CCSER1: variants seen among roughly 807,000 people sequenced by gnomAD.
CCSER1 encodes the protein serine-rich coiled-coil domain-containing protein 1.
Under a neutral mutation model 82.0 loss-of-function variants are expected in CCSER1, and 41 were observed. That is an observed-to-expected ratio of 0.50 (90% CI 0.39 to 0.65). The LOEUF is 0.65. Among genes scored for constraint, CCSER1 ranks in the 30% least tolerant of loss-of-function variants. The probability of loss-of-function intolerance (pLI) is 0.00; values close to 1 mark genes in which losing one functional copy is unlikely to be tolerated. For synonymous variants in CCSER1, 414 were observed against 383.9 expected (o/e 1.08, Z -0.92); for missense variants, 1,119 against 1,064.2 (o/e 1.05, Z -0.72).
chr4:90,555,278 A>G (rs947206414), intron 5 of CCSER1, among the ~76,000 whole-genome samples: 1 of 152,156 alleles, frequency 6.6e-6, no homozygotes, highest in Non-Finnish European at 1.5e-5. Context: ...AGGGTTTTCA[A>G]GTTAGAAAAC....
chr4:90,383,963 A>G (rs1161906679), intron 3 of CCSER1, among the ~76,000 whole-genome samples: 3 of 151,480 alleles, frequency 2.0e-5, no homozygotes, highest in African/African-American at 7.3e-5. Context: ...GGGTCTTGCT[A>G]TGTTGTCCAG....
intron 5 of CCSER1, among the ~76,000 whole-genome samples, chr4:90,501,825 G>A (rs114002054): frequency 0.016 from 2,452 of 151,998 alleles, 40 homozygotes; most frequent in African/African-American, 0.048. Context: ...TTTATGTATT[G>A]TATACCTTGT....
chr4:91,335,726 G>A (rs921811194), intron 10 of CCSER1, among the ~76,000 whole-genome samples: 2 of 152,036 alleles, frequency 1.3e-5, no homozygotes, highest in Admixed American at 6.6e-5. Flanking sequence ...CAGCATTGGG[G>A]CAGTCAGATC....
rs531835723 is a variant in CCSER1 at position 91,512,216 on chromosome 4, C to T, written c.2218-86356C>T. 1.2e-4 allele frequency among the ~76,000 whole-genome samples: 18 copies of T among 152,244 alleles called. 1 individual carries two copies. The South Asian group carries it at 3.5e-3, about 30-fold the overall frequency. ...AAGAAGATTAACATTTGAATCAGCG[C>T]ACTGGGAGACACAGACCCACCCTCA... On this transcript the variant is annotated intron_variant, in intron 10 of 10. Coordinates refer to ENST00000509176, the MANE Select transcript of CCSER1 (RefSeq NM_001145065.2).
At chr4:91,572,293 C>A (rs1022707076) in intron 10 of CCSER1, among the ~76,000 whole-genome samples, 2 of 152,114 alleles carry the variant, frequency 1.3e-5, no homozygotes, top group African/African-American at 4.8e-5. Flanking sequence ...CTGTCCATCT[C>A]TCTGGGAGCT....
At chr4:90,499,666 A>G (rs768154040) in intron 5 of CCSER1, among the ~76,000 whole-genome samples, 9 of 152,218 alleles carry the variant, frequency 5.9e-5, no homozygotes, top group Admixed American at 1.3e-4. Flanking sequence ...GTTCATAACA[A>G]TCTAACCAAA....
At chr4:91,199,581 G>A (rs73836873) in intron 10 of CCSER1, among the ~76,000 whole-genome samples, 4,584 of 152,084 alleles carry the variant, frequency 0.03, 235 homozygotes, top group African/African-American at 0.11. Context: ...GCCATTTGGA[G>A]CTTGTCTTGA....
rs562418506 is a variant in CCSER1, at chr4:90,298,329, C to T, written c.-41-9915C>T. 2.1e-3 allele frequency among the ~76,000 whole-genome samples: 317 copies of T among 152,072 alleles called. 3 individuals carry two copies. The highest frequency in any genetic ancestry group is 7.1e-3 in the African/African-American group (294 of 41,508). ...ATGTTAGTTTGTATTTCTGTGGGATCGGTGGTGATATCCCCTTTATCATTT... is the reference window on the plus strand; with the variant it reads ...ATGTTAGTTTGTATTTCTGTGGGATTGGTGGTGATATCCCCTTTATCATTT... On this transcript the variant is annotated intron_variant, in intron 1 of 10. Transcript: ENST00000509176.
At chr4:90,804,267 T>C (rs779575714) in intron 7 of CCSER1, among the ~76,000 whole-genome samples, 12 of 152,174 alleles carry the variant, frequency 7.9e-5, no homozygotes, top group Non-Finnish European at 1.8e-4. Context: ...TTTTGGTGTT[T>C]TAGACATGAA....
intron 3 of CCSER1, among the ~76,000 whole-genome samples, chr4:90,385,552 C>T (rs900433133): frequency 6.6e-5 from 10 of 150,594 alleles, no homozygotes; most frequent in African/African-American, 2.2e-4. Flanking sequence ...CTCCACCTCA[C>T]GGGTTCATGC....
chr4:90,588,263 C>G (rs984658353), intron 5 of CCSER1, among the ~76,000 whole-genome samples: 1 of 152,174 alleles, frequency 6.6e-6, no homozygotes, highest in African/African-American at 2.4e-5. Flanking sequence ...TTAACCGACA[C>G]TTGAACTTCT....
chr4:90,346,164 A>G (rs569598272), intron 3 of CCSER1, among the ~76,000 whole-genome samples: 2 of 152,260 alleles, frequency 1.3e-5, no homozygotes, highest in Admixed American at 1.3e-4. Flanking sequence ...ACTAATGGTT[A>G]TAGAAGCTGT....
chr4:91,395,442 A>C (rs781097014), intron 10 of CCSER1, among the ~76,000 whole-genome samples: 1 of 152,078 alleles, frequency 6.6e-6, no homozygotes, highest in South Asian at 2.1e-4. Flanking sequence ...CTGATGGAGC[A>C]TGCAGAGCTG....
In CCSER1 at chr4:90,464,666, C is replaced by G. The variant is rs976148241; in HGVS notation, c.1604-3568C>G. Among the ~76,000 whole-genome samples the G allele has an allele frequency of 1.1e-4, 16 of 152,264 alleles. No individual in the cohort carries two copies. In the South Asian group the frequency reaches 2.9e-3, roughly 28 times the overall value. On this transcript the variant is annotated intron_variant, in intron 4 of 10. Transcript: ENST00000509176. ...CATATAGGTTTTTATGTTGTTGCCT[C>G]AAACTGTTATTTATATCTATGGTTG...
intron 7 of CCSER1, among the ~76,000 whole-genome samples, chr4:90,755,844 A>G (rs1749436607): frequency 6.6e-6 from 1 of 152,208 alleles, no homozygotes; most frequent in Non-Finnish European, 1.5e-5. Context: ...CAGCTAAATT[A>G]TATGCAATAA....
intron 5 of CCSER1, among the ~76,000 whole-genome samples, chr4:90,621,370 G>A (rs2148879196): frequency 6.6e-6 from 1 of 151,894 alleles, no homozygotes; most frequent in African/African-American, 2.4e-5. Flanking sequence ...GCAGGAAGGA[G>A]GTATAAAATG....
intron 8 of CCSER1, among the ~76,000 whole-genome samples, chr4:90,913,829 G>A (rs1726838365): frequency 6.6e-6 from 1 of 151,830 alleles, no homozygotes; most frequent in South Asian, 2.1e-4. Context: ...AAAAAAAAAG[G>A]CAAGGGTTGC....
chr4:91,146,913 CAG>C (rs1237064292), intron 10 of CCSER1, among the ~76,000 whole-genome samples: 3 of 152,182 alleles, frequency 2.0e-5, no homozygotes, highest in Admixed American at 6.5e-5. Flanking sequence ...GAAAGGGAGA[CAG>C]AGGGCAGGAG....
Position 90,526,730 on chromosome 4 carries a change from C to T in CCSER1, c.1724+58376C>T, listed in dbSNP as rs537440137. On this transcript the variant is annotated intron_variant, in intron 5 of 10. Transcript: ENST00000509176. ...CATTTTTTATGGCTGCATAGTGTTC[C>T]ATGGTGTATATGTGCCACATTTTCT... Among the ~76,000 whole-genome samples, 249 of 152,258 alleles carry T rather than the reference C, an allele frequency of 1.6e-3. 2 individuals carry two copies. Among genetic ancestry groups the T allele is most frequent in the East Asian group, 7.9e-3 (41 of 5,180 alleles).
Sources: gnomAD v4.1 joint callset for allele counts (sites outside exome capture counted in the v4.1 genomes callset) on GRCh38, gnomAD v4.1.1 for gene constraint, MANE v1.5 for transcripts, NCBI Gene and HGNC (gene_info 2026-07-23, HGNC 2026-07-21) for gene names.